Variants in CCDC15 observed in about 807,000 individuals in gnomAD.
CCDC15 encodes the protein coiled-coil domain containing 15, also known as coiled-coil domain-containing protein 15.
A neutral mutation model predicts 114.5 loss-of-function variants in CCDC15; 105 were observed. The ratio of observed to expected loss-of-function variants is 0.92; its 90% CI spans 0.78 to 1.08. The LOEUF is 1.08. Among genes scored for constraint, CCDC15 ranks in the 50% least tolerant of loss-of-function variants. The pLI is 0.00. For missense variants in CCDC15, 1,105 were observed against 1,093.6 expected (o/e 1.01, Z -0.15); for synonymous variants, 334 against 377.8 (o/e 0.88, Z 1.34).
chr11:125,017,503 C>T (rs1362478884), intron 13 of CCDC15, among the ~76,000 whole-genome samples: 1 of 152,098 alleles, frequency 6.6e-6, no homozygotes, highest in Non-Finnish European at 1.5e-5. Flanking sequence ...CTTGTGTAAA[C>T]CTACTGTGCT....
chr11:124,993,458 A>C (rs1390776384), intron 11 of CCDC15, among the ~76,000 whole-genome samples: 3 of 152,164 alleles, frequency 2.0e-5, no homozygotes, highest in Admixed American at 6.5e-5. Flanking sequence ...TGACCTATTG[A>C]AACTACCTCA....
intron 11 of CCDC15, among the ~76,000 whole-genome samples, chr11:125,001,345 T>G (rs150752681): frequency 6.6e-6 from 1 of 152,340 alleles, no homozygotes; most frequent in East Asian, 1.9e-4. Context: ...GGATTACACA[T>G]AAATTTTAGT....
intron 11 of CCDC15, among the ~76,000 whole-genome samples, chr11:124,999,652 A>G (rs754385398): frequency 3.3e-5 from 5 of 151,322 alleles, no homozygotes; most frequent in Non-Finnish European, 7.4e-5. Flanking sequence ...TTGTGGTGAG[A>G]ACTTTTGTAT....
chr11:125,014,697 C>A (rs1376263481), intron 13 of CCDC15, among the ~76,000 whole-genome samples: 1 of 152,096 alleles, frequency 6.6e-6, no homozygotes, highest in Non-Finnish European at 1.5e-5. Flanking sequence ...CAGATAGTGG[C>A]AAGGATGTAG....
intron 6 of CCDC15, among the ~76,000 whole-genome samples, chr11:124,979,083 T>G (rs1383356061): frequency 1.3e-5 from 2 of 152,176 alleles, no homozygotes; most frequent in African/African-American, 2.4e-5. Context: ...TTTTGTCAGT[T>G]TTGCTGATGA....
At chr11:124,975,516 T>C (rs566051152) in intron 5 of CCDC15, among the ~76,000 whole-genome samples, 2 of 152,232 alleles carry the variant, frequency 1.3e-5, no homozygotes, top group Non-Finnish European at 2.9e-5. Context: ...CAAATACTTA[T>C]GGAATGTCTG....
At chr11:124,961,675 G>T (rs1327466893) in intron 4 of CCDC15, among the ~76,000 whole-genome samples, 5 of 152,072 alleles carry the variant, frequency 3.3e-5, no homozygotes, top group African/African-American at 1.2e-4. Flanking sequence ...GTAGGTGCCT[G>T]CCACCATGAC....
intron 13 of CCDC15, among the ~76,000 whole-genome samples, chr11:125,014,984 CA>C (rs1948618998): frequency 6.6e-6 from 1 of 151,898 alleles, no homozygotes; most frequent in South Asian, 2.1e-4. Flanking sequence ...CACTAGAAAT[CA>C]ATAAGCAGTA....
intron 13 of CCDC15, among the ~76,000 whole-genome samples, chr11:125,010,380 G>GTTT (rs545300682): frequency 1.5e-5 from 2 of 134,720 alleles, no homozygotes; most frequent in Non-Finnish European, 3.2e-5. Context: ...TTTGCCTGGT[G>GTTT]TTTTTTTTTT....
chr11:125,040,992 AAG>A lies in CCDC15; in HGVS notation c.*284_*285del. 3.7e-6 allele frequency: 1 copy of A among 273,678 alleles called. No individual in the cohort carries two copies. Among genetic ancestry groups the A allele is most frequent in the Non-Finnish European group, 6.9e-6 (1 of 145,360 alleles). The allele number at this position is 273,678 out of a possible 1,614,324, so 17.0% of individuals were successfully genotyped here. The stretch of plus-strand genomic sequence containing the variant: ...TCTTACTTTGCTCTGCTCTGATCAG[AAG>A]AGCTCATGTGAAGTCTTTGAGATTC... On this transcript the variant is annotated 3_prime_UTR_variant, in exon 16 of 16. Coordinates refer to ENST00000344762, the MANE Select transcript of CCDC15 (RefSeq NM_025004.3).
Position 124,977,483 on chromosome 11 carries a change from G to C in CCDC15, c.636G>C (p.Val212=). Residue 212 remains valine, a synonymous_variant, in exon 6 of 16, where the codon GTG becomes GTC. Transcript: ENST00000344762. The part of the protein sequence containing the change: ...GRKSFLTREE[V]LSRKPASTGI... ...TGTAGTAATTTTTTTTCCAGGAAGT[G>C]CTTTCCAGGAAACCAGCATCCACTG... 6.3e-7 allele frequency: 1 copy of C among 1,587,612 alleles called. No homozygotes were observed. Among genetic ancestry groups the C allele is most frequent in the Non-Finnish European group, 8.6e-7 (1 of 1,167,688 alleles).
chr11:124,971,654 A>C (rs1947883389), intron 4 of CCDC15, among the ~76,000 whole-genome samples: 3 of 151,990 alleles, frequency 2.0e-5, no homozygotes, highest in Admixed American at 2.0e-4. Flanking sequence ...CATTTTTTAC[A>C]CTGAGTTTTA....
chr11:124,994,285 C>T (rs1308190678), intron 11 of CCDC15, among the ~76,000 whole-genome samples: 1 of 152,150 alleles, frequency 6.6e-6, no homozygotes, highest in African/African-American at 2.4e-5. Flanking sequence ...TAGAGCACAT[C>T]ACAGGGTATG....
Position 124,991,449 on chromosome 11 carries a change from T to C in CCDC15, c.1909-12T>C. The C allele has an allele frequency of 1.3e-6, 2 of 1,488,442 alleles. No individual in the cohort carries two copies. The highest frequency in any genetic ancestry group is 1.3e-5 in the South Asian group (1 of 74,568). The allele number at this position is 1,488,442 out of a possible 1,614,324, so 92.2% of individuals were successfully genotyped here. On this transcript the variant is annotated splice_polypyrimidine_tract_variant and intron_variant, in intron 8 of 15. Coordinates refer to ENST00000344762, the MANE Select transcript of CCDC15 (RefSeq NM_025004.3). ...TAGACAATTTATAGTTTTTTATTAT[T>C]TTATCTTTTAGAAAGTACACTTTAA...
chr11:124,973,073 C>G (rs183659742), intron 4 of CCDC15, among the ~76,000 whole-genome samples: 5 of 152,226 alleles, frequency 3.3e-5, no homozygotes, highest in Admixed American at 6.5e-5. Flanking sequence ...ATTGAAAAAG[C>G]CTTTCCAAGA....
chr11:124,956,771 T>G (rs1052247480), intron 2 of CCDC15, among the ~76,000 whole-genome samples: 1 of 152,246 alleles, frequency 6.6e-6, no homozygotes, highest in Non-Finnish European at 1.5e-5. Flanking sequence ...AAGCATCTAA[T>G]AGAACTCCTT....
At chr11:124,984,349 C>T (rs969393042) in intron 6 of CCDC15, among the ~76,000 whole-genome samples, 1 of 151,998 alleles carries the variant, frequency 6.6e-6, no homozygotes, top group Non-Finnish European at 1.5e-5. Context: ...CTGGGAGGCA[C>T]CCCGGTGGGC....
chr11:124,997,695 A>C (rs140285615), intron 11 of CCDC15, among the ~76,000 whole-genome samples: 4 of 152,310 alleles, frequency 2.6e-5, no homozygotes, highest in African/African-American at 9.6e-5. Flanking sequence ...TAATCCCAGC[A>C]CTTTGGGAGG....
At chr11:125,037,947 C>G (rs1948787237) in intron 13 of CCDC15, 1 of 149,182 alleles carries the variant, frequency 6.7e-6, no homozygotes, top group African/African-American at 2.5e-5. Flanking sequence ...GATATGGGGT[C>G]TGGCTCTGTT....
Sources: gnomAD v4.1 joint callset for allele counts (sites outside exome capture counted in the v4.1 genomes callset) on GRCh38, gnomAD v4.1.1 for gene constraint, MANE v1.5 for transcripts, NCBI Gene and HGNC (gene_info 2026-07-23, HGNC 2026-07-21) for gene names.